The following OGN variants were observed in gnomAD, a reference collection of about 807,000 sequenced individuals.
OGN encodes the protein mimecan.
In OGN, 19 loss-of-function variants were observed where a neutral mutation model predicts 30.8. The ratio of observed to expected loss-of-function variants is 0.62; its 90% CI spans 0.43 to 0.90. OGN has a LOEUF of 0.90. OGN is among the 40% of genes least tolerant of loss of function. The probability of loss-of-function intolerance (pLI) is 0.00; values close to 1 mark genes in which losing one functional copy is unlikely to be tolerated. For missense variants in OGN, 283 were observed against 349.7 expected, an observed-to-expected ratio of 0.81 and a Z score of 1.52; for synonymous variants, 126 against 128.3, an observed-to-expected ratio of 0.98 and a Z score of 0.12.
At chr9:92,386,928 G>A (rs1404104517) in intron 5 of OGN, among the ~76,000 whole-genome samples, 1 of 151,590 alleles carries the variant, frequency 6.6e-6, no homozygotes, top group Admixed American at 6.6e-5. Context: ...GGCGCCTGTA[G>A]TCCCAGCTAC....
At chr9:92,404,649 C>T (rs2130936990), upstream of OGN, 1 of 1,269,214 alleles carries the variant, frequency 7.9e-7, no homozygotes, top group Non-Finnish European at 1.0e-6. Context: ...AGAACAGTTT[C>T]CATGTGGTAG....
chr9:92,389,755 T>A, intron 5 of OGN, 99 bp downstream of exon 5: 1 of 735,984 alleles, frequency 1.4e-6, no homozygotes. Context: ...ATCAAAATAG[T>A]TTTTAAGTGT....
In OGN at chr9:92,384,155, G is replaced by A. The variant is rs961389720; in HGVS notation, c.*1465C>T. On this transcript the variant is annotated 3_prime_UTR_variant, in exon 7 of 7. Transcript: ENST00000375561. ...AGTAGTATAATAGCTGTGATCATTA[G>A]TTATCAAAATAAGTGAATGAGCTAA... 6.6e-6 allele frequency: 1 copy of A among 152,146 alleles called. No individual in the cohort carries two copies. Among genetic ancestry groups the A allele is most frequent in the African/African-American group, 2.4e-5 (1 of 41,438 alleles). 9.4% of individuals were successfully genotyped at this position (152,146 alleles called of 1,614,324 possible).
At chr9:92,385,959 T>C (rs1323752344) in intron 6 of OGN, among the ~76,000 whole-genome samples, 169 bp from the exon 7 acceptor site, 1 of 152,196 alleles carries the variant, frequency 6.6e-6, no homozygotes, top group Non-Finnish European at 1.5e-5. Context: ...ACAAATACAA[T>C]CAAGAGCAGA....
intron 2 of OGN, among the ~76,000 whole-genome samples, chr9:92,403,031 G>C (rs1347229213): frequency 1.3e-5 from 2 of 151,932 alleles, no homozygotes; most frequent in Non-Finnish European, 2.9e-5. Flanking sequence ...ATACTGTTTG[G>C]TTACCATAGA....
chr9:92,397,367 AC>A (rs1842932921), intron 3 of OGN, among the ~76,000 whole-genome samples: 1 of 152,052 alleles, frequency 6.6e-6, no homozygotes, highest in South Asian at 2.1e-4. Context: ...TCGCCCTGTC[AC>A]CCAGGCTGGA....
chr9:92,392,599 A>G lies in OGN; in HGVS notation c.427+487T>C, dbSNP rs572795476. On this transcript the variant is annotated intron_variant, in intron 4 of 6. Coordinates refer to ENST00000375561, the MANE Select transcript of OGN (RefSeq NM_014057.5). ...CACTCTACTCCAGCCTGGGCAACAG[A>G]GCAAGACTCCATGTCGGGTTGGGGG... Among the ~76,000 whole-genome samples, 3 of 151,806 alleles carry G rather than the reference A, an allele frequency of 2.0e-5. No individual in the cohort carries two copies. The South Asian group carries it at 6.3e-4, about 32-fold the overall frequency.
In OGN at chr9:92,387,053, GAAAAAAAAAAAA is replaced by G. The variant is rs903436031; in HGVS notation, c.631-769_631-758del. Among the ~76,000 whole-genome samples, 17 of 50,168 alleles carry G rather than the reference GAAAAAAAAAAAA, an allele frequency of 3.4e-4. No individual in the cohort carries two copies. The South Asian group carries it at 3.4e-3, about 10-fold the overall frequency. The allele number at this position is 50,168 out of a possible 152,430, so 32.9% of individuals were successfully genotyped here. On this transcript the variant is annotated intron_variant, in intron 5 of 6. Coordinates refer to ENST00000375561, the MANE Select transcript of OGN (RefSeq NM_014057.5). ...ACAGAGCGAGACTCTGTCTCAAAAA[GAAAAAAAAAAAA>G]AAAAAAAAAAGAAATGTGTGTGCTT... is the stretch of plus-strand genomic sequence containing the variant.
intron 4 of OGN, among the ~76,000 whole-genome samples, chr9:92,391,350 T>C (rs1423128255): frequency 3.9e-5 from 6 of 151,902 alleles, no homozygotes; most frequent in African/African-American, 1.2e-4. Context: ...GAGCTAGCAG[T>C]GAGCCGAGAT....
intron 3 of OGN, among the ~76,000 whole-genome samples, chr9:92,397,712 T>C (rs1842946580): frequency 6.6e-6 from 1 of 152,226 alleles, no homozygotes; most frequent in Admixed American, 6.5e-5. Flanking sequence ...GAGATCACGT[T>C]GCTTCTAGGC....
chr9:92,390,587 T>TGTGC (rs749697394), intron 4 of OGN, among the ~76,000 whole-genome samples: 345 of 141,908 alleles, frequency 2.4e-3, no homozygotes, highest in African/African-American at 7.2e-3. Context: ...TGTGTGTGTG[T>TGTGC]GCGCGCGCGC....
At chr9:92,392,180 C>T (rs1051113515) in intron 4 of OGN, among the ~76,000 whole-genome samples, 1 of 151,892 alleles carries the variant, frequency 6.6e-6, no homozygotes, top group Non-Finnish European at 1.5e-5. Context: ...TTGATAATGA[C>T]CTGGTAAGGA....
intron 2 of OGN, among the ~76,000 whole-genome samples, chr9:92,401,908 G>A (rs557679711): frequency 6.6e-6 from 1 of 152,094 alleles, no homozygotes; most frequent in South Asian, 2.1e-4. Flanking sequence ...TTTTAGTCTC[G>A]GTCTTGACTC....
Position 92,386,207 on chromosome 9 carries a change from A to G in OGN, c.720T>C (p.His240=). ...LNLPESLRVI[H]LQFNNIASIT... ...GTGAAAGGAACTATCATACCTGAAG[A>G]TGAATTACACGTAGACTTTCTGGTA... The change falls in exon 6 of 7, where the codon CAT becomes CAC. Residue 240 remains histidine (H), a synonymous_variant. Coordinates refer to ENST00000375561, the MANE Select transcript of OGN (RefSeq NM_014057.5). 6.2e-7 allele frequency: 1 copy of G among 1,601,580 alleles called. No individual in the cohort carries two copies. Among genetic ancestry groups the G allele is most frequent in the Non-Finnish European group, 8.6e-7 (1 of 1,168,686 alleles).
Position 92,384,574 on chromosome 9 carries a change from G to A in OGN, c.*1046C>T, listed in dbSNP as rs971752237. On this transcript the variant is annotated 3_prime_UTR_variant, in exon 7 of 7. Transcript: ENST00000375561. ...CATCATAAATTATTACTCTCAGATA[G>A]AAGATTTAATTCTTGCAGTTAGCCA... 3 of 152,116 alleles carry A rather than the reference G, an allele frequency of 2.0e-5. No homozygotes were observed. The highest frequency in any genetic ancestry group is 7.2e-5 in the African/African-American group (3 of 41,436). 9.4% of individuals were successfully genotyped at this position (152,116 alleles called of 1,614,324 possible). A position where few individuals can be genotyped will look rare whatever the true frequency, so the allele number is the denominator to read the frequency against.
chr9:92,387,339 G>A (rs951277610), intron 5 of OGN, among the ~76,000 whole-genome samples: 2 of 150,810 alleles, frequency 1.3e-5, no homozygotes, highest in Non-Finnish European at 2.9e-5. Context: ...TTGTGCCACT[G>A]CACTCCAGCC....
intron 5 of OGN, among the ~76,000 whole-genome samples, chr9:92,388,335 T>C (rs1186464407): frequency 2.0e-5 from 3 of 151,410 alleles, no homozygotes; most frequent in Non-Finnish European, 2.9e-5. Flanking sequence ...CTAATTTTTG[T>C]ATTTTTAGTG....
At chr9:92,403,792 C>T (rs184934216) in intron 1 of OGN, 29 of 519,076 alleles carry the variant, frequency 5.6e-5, no homozygotes, top group East Asian at 4.4e-4. Context: ...AAAATAAAGT[C>T]CCAAGATCCT....
At chr9:92,395,103 A>C (rs775397202) in intron 3 of OGN, among the ~76,000 whole-genome samples, 1 of 152,090 alleles carries the variant, frequency 6.6e-6, no homozygotes, top group Non-Finnish European at 1.5e-5. Context: ...TACGATTTTT[A>C]CATATGTACA....
Sources: gnomAD v4.1 joint callset for allele counts (sites outside exome capture counted in the v4.1 genomes callset) on GRCh38, gnomAD v4.1.1 for gene constraint, MANE v1.5 for transcripts, NCBI Gene and HGNC (gene_info 2026-07-23, HGNC 2026-07-21) for gene names.